Variants in FAM135B observed in about 807,000 individuals in gnomAD.
FAM135B encodes the protein protein FAM135B.
FAM135B carries 43 observed loss-of-function variants against 127.7 expected under a neutral mutation model. The ratio of observed to expected loss-of-function variants is 0.34; its 90% CI spans 0.26 to 0.43. The LOEUF (loss-of-function observed/expected upper bound fraction) is 0.43, where lower values mean the gene tolerates loss of function less well. Among genes scored for constraint, FAM135B ranks in the 20% least tolerant of loss-of-function variants. The pLI, the probability that FAM135B is intolerant of heterozygous loss-of-function variation, is 1.00. For missense variants in FAM135B, 1,558 were observed against 1,725.6 expected (o/e 0.90, Z 1.72); for synonymous variants, 670 against 665.1 (o/e 1.01, Z -0.11).
rs774188460 is a variant in FAM135B at position 138,152,702 on chromosome 8, C to T, written c.1773G>A (p.Gly591=). ...SRDKYGLDRT[G]LSKVVVGGSH... ...TTCCACCTACTACCACTTTGCTTAG[C>T]CCAGTCCTGTCTAATCCATACTTAT... The change falls in exon 13 of 20, where the codon GGG becomes GGA. Residue 591 remains glycine, a synonymous_variant. Transcript: ENST00000395297. 4 of 1,614,028 alleles carry T rather than the reference C, an allele frequency of 2.5e-6. No individual in the cohort carries two copies. Among genetic ancestry groups the T allele is most frequent in the Non-Finnish European group, 2.5e-6 (3 of 1,180,046 alleles).
At chr8:138,334,499 G>T (rs1246922915) in intron 2 of FAM135B, among the ~76,000 whole-genome samples, 1 of 152,058 alleles carries the variant, frequency 6.6e-6, no homozygotes, top group East Asian at 1.9e-4. Flanking sequence ...ATGGTATTAA[G>T]CCCAGTACCC....
chr8:138,436,608 C>T (rs1430376557), intron 1 of FAM135B, among the ~76,000 whole-genome samples: 6 of 152,308 alleles, frequency 3.9e-5, no homozygotes, highest in Admixed American at 3.9e-4. Flanking sequence ...ACCATGTGTT[C>T]ACGTTGAACA....
chr8:138,405,482 C>T (rs146781448), intron 1 of FAM135B, among the ~76,000 whole-genome samples: 2,824 of 150,570 alleles, frequency 0.019, 81 homozygotes, highest in African/African-American at 0.064. Flanking sequence ...TCTGTCCTTC[C>T]GATAGTTTAC....
chr8:138,393,454 T>TG (rs1440276947), intron 1 of FAM135B, among the ~76,000 whole-genome samples: 1 of 145,028 alleles, frequency 6.9e-6, no homozygotes, highest in Non-Finnish European at 1.5e-5. Flanking sequence ...ACTGTTTTAG[T>TG]GAAAAAAAAA....
intron 9 of FAM135B, among the ~76,000 whole-genome samples, chr8:138,192,329 AC>A (rs1334587349): frequency 6.6e-6 from 1 of 152,172 alleles, no homozygotes; most frequent in African/African-American, 2.4e-5. Flanking sequence ...AACTTGCTTT[AC>A]AGTTTGAAAC....
At chr8:138,313,256 C>T (rs1238566207) in intron 2 of FAM135B, among the ~76,000 whole-genome samples, 1 of 152,132 alleles carries the variant, frequency 6.6e-6, no homozygotes, top group East Asian at 1.9e-4. Flanking sequence ...CTCAGCCTCC[C>T]AAGTAGCTGG....
intron 7 of FAM135B, among the ~76,000 whole-genome samples, chr8:138,200,707 G>A (rs997603119): frequency 4.6e-5 from 7 of 152,050 alleles, no homozygotes; most frequent in Non-Finnish European, 7.4e-5. Context: ...ATGTATACAC[G>A]CTTGCTATAT....
intron 1 of FAM135B, among the ~76,000 whole-genome samples, chr8:138,392,967 AAG>A (rs1832664442): frequency 6.6e-6 from 1 of 152,190 alleles, no homozygotes; most frequent in South Asian, 2.1e-4. Context: ...TTACAAAAGA[AAG>A]AGTTTTAATT....
chr8:138,445,422 A>G (rs201438901), intron 1 of FAM135B, among the ~76,000 whole-genome samples: 32 of 152,240 alleles, frequency 2.1e-4, no homozygotes, highest in East Asian at 5.8e-4. Context: ...CTGGCAAACC[A>G]AATCCAGCAG....
chr8:138,171,696 C>G (rs1820466663), intron 11 of FAM135B, among the ~76,000 whole-genome samples: 1 of 152,184 alleles, frequency 6.6e-6, no homozygotes, highest in African/African-American at 2.4e-5. Flanking sequence ...CTTTTTGAGT[C>G]TGGACTCTAT....
At chr8:138,237,886 A>C (rs4909409) in intron 7 of FAM135B, among the ~76,000 whole-genome samples, 61,476 of 151,990 alleles carry the variant, frequency 0.4, 12,961 homozygotes, top group African/African-American at 0.51. Context: ...CACATTCACA[A>C]ACACACATAT....
At chr8:138,438,992 G>A (rs1835614470) in intron 1 of FAM135B, 1 of 152,040 alleles carries the variant, frequency 6.6e-6, no homozygotes, top group South Asian at 2.1e-4. Context: ...TCCATAACTG[G>A]TACCTAAAAA....
intron 1 of FAM135B, among the ~76,000 whole-genome samples, chr8:138,380,380 G>C (rs1198613961): frequency 6.6e-6 from 1 of 152,012 alleles, no homozygotes; most frequent in Non-Finnish European, 1.5e-5. Flanking sequence ...TATTAGTGGA[G>C]ATGGGGTTTT....
At chr8:138,215,975 T>C (rs1311435276) in intron 7 of FAM135B, among the ~76,000 whole-genome samples, 2 of 152,188 alleles carry the variant, frequency 1.3e-5, no homozygotes, top group Non-Finnish European at 2.9e-5. Context: ...TCCGAGGGGA[T>C]GGTAAAAGTC....
chr8:138,179,142 C>T (rs1814762956), intron 9 of FAM135B, among the ~76,000 whole-genome samples: 1 of 152,100 alleles, frequency 6.6e-6, no homozygotes, highest in African/African-American at 2.4e-5. Flanking sequence ...ATCCCATCAC[C>T]ACAAAACTCA....
chr8:138,178,076 C>T (rs1045791495), intron 10 of FAM135B, among the ~76,000 whole-genome samples: 1 of 151,992 alleles, frequency 6.6e-6, no homozygotes, highest in Non-Finnish European at 1.5e-5. Flanking sequence ...GAAACCCCAT[C>T]TCTACTAAAA....
At chr8:138,410,489 G>A (rs1164429070) in intron 1 of FAM135B, among the ~76,000 whole-genome samples, 1 of 152,154 alleles carries the variant, frequency 6.6e-6, no homozygotes, top group Non-Finnish European at 1.5e-5. Flanking sequence ...CAGCCTGTGG[G>A]AACAGAATCC....
chr8:138,418,860 G>C (rs890592290), intron 1 of FAM135B, among the ~76,000 whole-genome samples: 7 of 45,744 alleles, frequency 1.5e-4, no homozygotes, highest in Admixed American at 8.2e-4. Flanking sequence ...GCTAAACATA[G>C]AAAAAAAAAA....
chr8:138,215,234 C>A (rs1433552885), intron 7 of FAM135B, among the ~76,000 whole-genome samples: 1 of 152,108 alleles, frequency 6.6e-6, no homozygotes, highest in Non-Finnish European at 1.5e-5. Flanking sequence ...GCCTAAGTTA[C>A]CTTATCTGTA....
Sources: gnomAD v4.1 joint callset for allele counts (sites outside exome capture counted in the v4.1 genomes callset) on GRCh38, gnomAD v4.1.1 for gene constraint, MANE v1.5 for transcripts, NCBI Gene and HGNC (gene_info 2026-07-23, HGNC 2026-07-21) for gene names.